The following ROBO1 variants were observed in gnomAD, a reference collection of about 807,000 sequenced individuals.
ROBO1 encodes the protein roundabout homolog 1.
Under a neutral mutation model 195.9 loss-of-function variants are expected in ROBO1, and 149 were observed. The ratio of observed to expected loss-of-function variants is 0.76; its 90% CI spans 0.67 to 0.87. ROBO1 has a LOEUF of 0.87. Ranked by LOEUF, ROBO1 falls within the 40% of genes least tolerant of loss-of-function variation. The pLI is 0.00. For missense variants in ROBO1, 1,933 were observed against 2,068.3 expected, an observed-to-expected ratio of 0.93 and a Z score of 1.27; for synonymous variants, 816 against 733.2, an observed-to-expected ratio of 1.11 and a Z score of -1.82.
At chr3:79,463,224 A>C (rs1226620119) in intron 2 of ROBO1, among the ~76,000 whole-genome samples, 1 of 151,956 alleles carries the variant, frequency 6.6e-6, no homozygotes, top group Non-Finnish European at 1.5e-5. Context: ...GTACAAAAAA[A>C]GTTAGCTGGG....
intron 2 of ROBO1, among the ~76,000 whole-genome samples, chr3:79,223,453 A>G (rs2082176198): frequency 2.0e-5 from 3 of 152,126 alleles, no homozygotes; most frequent in African/African-American, 7.2e-5. Flanking sequence ...CAGTCTCTCC[A>G]TATGCAAATA....
chr3:79,721,770 C>T (rs1702712957), intron 1 of ROBO1, among the ~76,000 whole-genome samples: 1 of 152,106 alleles, frequency 6.6e-6, no homozygotes, highest in Non-Finnish European at 1.5e-5. Flanking sequence ...AGATCAGAGT[C>T]CTGAGGAAGA....
chr3:79,017,644 T>A (rs1022597396), intron 3 of ROBO1, among the ~76,000 whole-genome samples: 1 of 151,948 alleles, frequency 6.6e-6, no homozygotes, highest in Non-Finnish European at 1.5e-5. Context: ...CAGTGTGTAC[T>A]CTTATGTCAG....
chr3:79,600,206 T>C (rs1944299606), intron 1 of ROBO1, among the ~76,000 whole-genome samples: 1 of 152,036 alleles, frequency 6.6e-6, no homozygotes, highest in South Asian at 2.1e-4. Context: ...CAGACGTATT[T>C]TTCTGAACAA....
intron 3 of ROBO1, among the ~76,000 whole-genome samples, chr3:79,012,238 T>C (rs1166037868): frequency 1.3e-5 from 2 of 152,202 alleles, no homozygotes; most frequent in African/African-American, 4.8e-5. Context: ...CAAAACCGAC[T>C]ATTTCCTATA....
intron 18 of ROBO1, among the ~76,000 whole-genome samples, chr3:78,654,169 GA>G (rs1238512604): frequency 6.6e-6 from 1 of 152,068 alleles, no homozygotes; most frequent in Non-Finnish European, 1.5e-5. Flanking sequence ...AAGAAAACTG[GA>G]AGGAAAAATA....
intron 1 of ROBO1, among the ~76,000 whole-genome samples, chr3:79,673,769 G>T (rs1185019363): frequency 6.6e-6 from 1 of 151,898 alleles, no homozygotes; most frequent in Non-Finnish European, 1.5e-5. Context: ...CATTTCTCAT[G>T]TTTGAAGATA....
Position 79,466,899 on chromosome 3 carries a change from A to G in ROBO1, c.88+122925T>C, listed in dbSNP as rs573296434. Among the ~76,000 whole-genome samples, 26 of 152,316 alleles carry G rather than the reference A, an allele frequency of 1.7e-4. No homozygotes were observed. In the East Asian group the frequency reaches 4.1e-3, roughly 24 times the overall value. On this transcript the variant is annotated intron_variant, in intron 2 of 30. Transcript: ENST00000464233. ...TTCAGGAACTGATTGGAATATATCCAGAGGAAGCTTGGTCAAAATGACGAA... is the reference window on the plus strand; with the variant it reads ...TTCAGGAACTGATTGGAATATATCCGGAGGAAGCTTGGTCAAAATGACGAA...
At chr3:78,856,861 T>A (rs1022358470) in intron 4 of ROBO1, among the ~76,000 whole-genome samples, 5 of 150,840 alleles carry the variant, frequency 3.3e-5, no homozygotes, top group Non-Finnish European at 5.9e-5. Context: ...AAATATCCTA[T>A]AAAAGAAAGA....
intron 2 of ROBO1, among the ~76,000 whole-genome samples, chr3:79,240,453 T>G (rs948393476): frequency 4.6e-5 from 7 of 152,314 alleles, no homozygotes; most frequent in African/African-American, 1.7e-4. Context: ...CATTTAAGTC[T>G]GCTTGATCAT....
chr3:79,670,502 C>G (rs945429999), intron 1 of ROBO1, among the ~76,000 whole-genome samples: 12 of 151,964 alleles, frequency 7.9e-5, no homozygotes, highest in African/African-American at 2.6e-4. Context: ...AACTCATACT[C>G]TAAACTTTAC....
intron 1 of ROBO1, among the ~76,000 whole-genome samples, chr3:79,763,361 C>T (rs750904737): frequency 3.9e-5 from 6 of 152,092 alleles, no homozygotes; most frequent in Non-Finnish European, 5.9e-5. Flanking sequence ...TTAGCTTACT[C>T]CTCTTAATCC....
chr3:78,746,692 T>C, intron 5 of ROBO1, 51 bp downstream of exon 5: 1 of 1,325,908 alleles, frequency 7.5e-7, no homozygotes, highest in East Asian at 2.7e-5. Flanking sequence ...TTGGTAAAGA[T>C]ACACACAGTT....
At chr3:79,335,504 C>T (rs948569184) in intron 2 of ROBO1, among the ~76,000 whole-genome samples, 5 of 152,070 alleles carry the variant, frequency 3.3e-5, no homozygotes, top group African/African-American at 1.2e-4. Context: ...AGGAGCTTCC[C>T]CCTTCACTCA....
intron 2 of ROBO1, among the ~76,000 whole-genome samples, chr3:79,551,404 T>G (rs954736978): frequency 6.7e-6 from 1 of 149,572 alleles, no homozygotes; most frequent in African/African-American, 2.5e-5. Flanking sequence ...AAGACACACC[T>G]AATAAAATAT....
chr3:78,613,943 G>T (rs928530404), intron 28 of ROBO1, among the ~76,000 whole-genome samples: 1 of 152,224 alleles, frequency 6.6e-6, no homozygotes, highest in Non-Finnish European at 1.5e-5. Flanking sequence ...GACAACAGCA[G>T]TGAGTCTGAG....
Position 78,933,757 on chromosome 3 carries a change from A to G in ROBO1, c.499+4844T>C, listed in dbSNP as rs148594714. Among the ~76,000 whole-genome samples the G allele has an allele frequency of 4.7e-3, 709 of 152,146 alleles. 21 individuals are homozygous for G. Among genetic ancestry groups the G allele is most frequent in the Admixed American group, 0.043 (654 of 15,278 alleles). On this transcript the variant is annotated intron_variant, in intron 4 of 30. Coordinates refer to ENST00000464233, the MANE Select transcript of ROBO1 (RefSeq NM_002941.4). Reference sequence around the variant, plus strand: ...TATGGCTTCTTTACTTAAGTGGACAAATATAAATTGAAAAAGAAAATTTGA... The same window carrying G: ...TATGGCTTCTTTACTTAAGTGGACAGATATAAATTGAAAAAGAAAATTTGA...
At chr3:78,975,087 T>C (rs1340328727) in intron 3 of ROBO1, among the ~76,000 whole-genome samples, 3 of 152,144 alleles carry the variant, frequency 2.0e-5, no homozygotes, top group Non-Finnish European at 4.4e-5. Flanking sequence ...TTAGAATTTT[T>C]ATTAAAATGG....
chr3:79,237,172 T>C (rs1221004425), intron 2 of ROBO1, among the ~76,000 whole-genome samples: 1 of 152,164 alleles, frequency 6.6e-6, no homozygotes, highest in Non-Finnish European at 1.5e-5. Flanking sequence ...GTGATAATGT[T>C]CTTGAAAGTG....
Sources: allele counts gnomAD v4.1 joint callset (sites outside exome capture counted in the v4.1 genomes callset), GRCh38; gene constraint gnomAD v4.1.1; transcripts MANE v1.5; gene names NCBI Gene and HGNC (gene_info 2026-07-23, HGNC 2026-07-21).